Variants in FBXL17 observed in about 807,000 individuals in gnomAD.
FBXL17 encodes F-box and leucine rich repeat protein 17.
A neutral mutation model predicts 66.2 loss-of-function variants in FBXL17; 22 were observed. The ratio of observed to expected loss-of-function variants is 0.33; its 90% CI spans 0.24 to 0.47. The LOEUF (loss-of-function observed/expected upper bound fraction) is 0.47. Among genes scored for constraint, FBXL17 ranks in the 20% least tolerant of loss-of-function variants. The pLI is 1.00. For missense variants in FBXL17, 878 were observed against 948.2 expected (o/e 0.93, Z 0.97); for synonymous variants, 474 against 400.5 (o/e 1.18, Z -2.19).
At chr5:107,996,353 G>T (rs143370556) in intron 7 of FBXL17, among the ~76,000 whole-genome samples, 3,701 of 152,234 alleles carry the variant, frequency 0.024, 145 homozygotes, top group African/African-American at 0.079. Context: ...CTCCCTGTGT[G>T]ACCCAGGCTG....
chr5:108,053,070 T>C lies in FBXL17; in HGVS notation c.1746-32069A>G, dbSNP rs189954970. ...ACTCAAGATGGATTAAACACTTAAA[T>C]GTAAAACCCAAAACCATAAAAACTC... On this transcript the variant is annotated intron_variant, in intron 6 of 8. Coordinates refer to ENST00000542267, the MANE Select transcript of FBXL17 (RefSeq NM_001163315.3). 3.6e-3 allele frequency among the ~76,000 whole-genome samples: 554 copies of C among 152,280 alleles called. 5 individuals carry two copies. Among genetic ancestry groups the C allele is most frequent in the Middle Eastern group, 0.014 (4 of 294 alleles).
At chr5:108,104,922 AC>A (rs993961833) in intron 6 of FBXL17, among the ~76,000 whole-genome samples, 1 of 151,832 alleles carries the variant, frequency 6.6e-6, no homozygotes, top group African/African-American at 2.4e-5. Flanking sequence ...GCTCACTGCA[AC>A]CCCCACCTCC....
At chr5:108,303,704 A>G (rs1403315241) in intron 4 of FBXL17, among the ~76,000 whole-genome samples, 1 of 151,906 alleles carries the variant, frequency 6.6e-6, no homozygotes, top group Non-Finnish European at 1.5e-5. Flanking sequence ...GTATCTGCAA[A>G]GGTCAAAAAT....
At chr5:108,123,018 G>A (rs1475075880) in intron 6 of FBXL17, among the ~76,000 whole-genome samples, 1 of 151,362 alleles carries the variant, frequency 6.6e-6, no homozygotes, top group Non-Finnish European at 1.5e-5. Flanking sequence ...TTATTTCTCA[G>A]GTTCTAGTGT....
intron 7 of FBXL17, among the ~76,000 whole-genome samples, chr5:107,987,334 G>A (rs1471192900): frequency 1.3e-5 from 2 of 150,810 alleles, no homozygotes; most frequent in Non-Finnish European, 3.0e-5. Context: ...TTTGTAAAAA[G>A]AAATTTCAAA....
intron 7 of FBXL17, among the ~76,000 whole-genome samples, chr5:108,000,503 G>T (rs1753681425): frequency 6.6e-6 from 1 of 152,138 alleles, no homozygotes; most frequent in Admixed American, 6.5e-5. Flanking sequence ...ACACACAGAA[G>T]CAATAACAAT....
At chr5:108,136,053 G>A (rs1195875019) in intron 6 of FBXL17, among the ~76,000 whole-genome samples, 1 of 152,010 alleles carries the variant, frequency 6.6e-6, no homozygotes, top group African/African-American at 2.4e-5. Flanking sequence ...TTATTTTGGG[G>A]GAGAAACAAC....
intron 4 of FBXL17, among the ~76,000 whole-genome samples, chr5:108,281,650 C>A (rs1017808822): frequency 2.6e-5 from 4 of 151,466 alleles, no homozygotes; most frequent in East Asian, 1.9e-4. Flanking sequence ...TAAAATAAAC[C>A]CCAAATTAGC....
intron 6 of FBXL17, among the ~76,000 whole-genome samples, chr5:108,153,445 C>A (rs1167772814): frequency 2.0e-5 from 3 of 152,246 alleles, no homozygotes; most frequent in South Asian, 2.1e-4. Flanking sequence ...TATAATGATA[C>A]AATTTGTTCT....
chr5:108,293,816 T>C (rs1320819438), intron 4 of FBXL17, among the ~76,000 whole-genome samples: 1 of 151,646 alleles, frequency 6.6e-6, no homozygotes, highest in Non-Finnish European at 1.5e-5. Flanking sequence ...CGAGGTGGGT[T>C]GATCACTTGA....
chr5:108,357,387 T>G (rs1359766539), intron 3 of FBXL17, among the ~76,000 whole-genome samples: 2 of 152,052 alleles, frequency 1.3e-5, no homozygotes, highest in African/African-American at 4.8e-5. Flanking sequence ...ACTTCACTAT[T>G]AGAGACCTTA....
intron 5 of FBXL17, among the ~76,000 whole-genome samples, chr5:108,198,906 A>G (rs1753782122): frequency 6.6e-6 from 1 of 152,134 alleles, no homozygotes; most frequent in African/African-American, 2.4e-5. Flanking sequence ...GATATTAAAT[A>G]ATATGGAATA....
chr5:107,885,448 C>T (rs564180905), intron 7 of FBXL17, among the ~76,000 whole-genome samples: 10 of 152,154 alleles, frequency 6.6e-5, no homozygotes, highest in Admixed American at 2.6e-4. Context: ...AAATTACTTC[C>T]GTATATACAA....
intron 5 of FBXL17, among the ~76,000 whole-genome samples, chr5:108,196,063 T>C (rs1255872766): frequency 6.6e-6 from 1 of 152,072 alleles, no homozygotes; most frequent in Admixed American, 6.6e-5. Flanking sequence ...ATTAATTATA[T>C]ATAAATGTGT....
At chr5:108,129,241 G>A (rs1309188534) in intron 6 of FBXL17, among the ~76,000 whole-genome samples, 1 of 152,046 alleles carries the variant, frequency 6.6e-6, no homozygotes. Flanking sequence ...CAAGAACTGG[G>A]ATTTTACCAA....
At chr5:108,329,339 G>A (rs1472465377) in intron 4 of FBXL17, among the ~76,000 whole-genome samples, 1 of 152,078 alleles carries the variant, frequency 6.6e-6, no homozygotes, top group African/African-American at 2.4e-5. Context: ...AAGAGGAAAA[G>A]GACAACTATA....
intron 6 of FBXL17, among the ~76,000 whole-genome samples, chr5:108,095,539 A>G (rs1749334858): frequency 2.0e-5 from 3 of 152,128 alleles, no homozygotes; most frequent in Admixed American, 1.3e-4. Flanking sequence ...AATTAAATAA[A>G]TTAACAAAAT....
At chr5:108,269,569 A>G (rs1347766740) in intron 4 of FBXL17, among the ~76,000 whole-genome samples, 1 of 152,052 alleles carries the variant, frequency 6.6e-6, no homozygotes, top group Admixed American at 6.6e-5. Context: ...CTGGTGCACA[A>G]AAGAACAATC....
chr5:108,298,307 A>G, intron 4 of FBXL17: 1 of 984,716 alleles, frequency 1.0e-6, no homozygotes, highest in Non-Finnish European at 1.2e-6. Context: ...CCAAACATCT[A>G]AATAAAACAG....
Sources: gnomAD v4.1 joint callset for allele counts (sites outside exome capture counted in the v4.1 genomes callset) on GRCh38, gnomAD v4.1.1 for gene constraint, MANE v1.5 for transcripts, NCBI Gene and HGNC (gene_info 2026-07-23, HGNC 2026-07-21) for gene names.